FGF12: variants seen among roughly 807,000 people sequenced by gnomAD.
FGF12 encodes the protein fibroblast growth factor 12B.
FGF12 carries 14 observed loss-of-function variants against 23.6 expected under a neutral mutation model. That is an observed-to-expected ratio of 0.59 (90% CI 0.39 to 0.93). The LOEUF (loss-of-function observed/expected upper bound fraction) is 0.93. FGF12 is among the 40% of genes least tolerant of loss of function. The pLI, the probability that FGF12 is intolerant of heterozygous loss-of-function variation, is 0.00. For synonymous variants in FGF12, 62 were observed against 77.3 expected (o/e 0.80, Z 1.04); for missense variants, 175 against 217.8 (o/e 0.80, Z 1.24).
chr3:192,660,109 C>A (rs62294778), intron 2 of FGF12, among the ~76,000 whole-genome samples: 12,672 of 151,464 alleles, frequency 0.084, 649 homozygotes, highest in South Asian at 0.2. Flanking sequence ...TGGAACCAAC[C>A]CAAATGTCCA....
chr3:192,459,573 C>A (rs1722790998), intron 2 of FGF12, among the ~76,000 whole-genome samples: 1 of 152,088 alleles, frequency 6.6e-6, no homozygotes, highest in Non-Finnish European at 1.5e-5. Context: ...ACATTTTAAT[C>A]TTTTTTGTCT....
intron 2 of FGF12, among the ~76,000 whole-genome samples, chr3:192,507,448 A>T (rs549356075): frequency 6.6e-6 from 1 of 152,208 alleles, no homozygotes; most frequent in African/African-American, 2.4e-5. Context: ...TTCAGGATAA[A>T]ATAATGTACA....
intron 4 of FGF12, among the ~76,000 whole-genome samples, chr3:192,204,849 A>C (rs1030673707): frequency 6.6e-6 from 1 of 151,974 alleles, no homozygotes; most frequent in African/African-American, 2.4e-5. Flanking sequence ...TCGCACCAAG[A>C]CTGTACTCCA....
In FGF12 at chr3:192,664,338, G is replaced by A. The variant is rs537935154; in HGVS notation, c.13+62843C>T. Among the ~76,000 whole-genome samples, 13 of 152,192 alleles carry A rather than the reference G, an allele frequency of 8.5e-5. 1 individual carries two copies. The South Asian group carries it at 2.7e-3, about 32-fold the overall frequency. On this transcript the variant is annotated intron_variant, in intron 2 of 5. Transcript: ENST00000445105. ...AATGAGCCACAGACATGCCAAATGAGTGAAACTCCTCCCCAGAGTTGTTCT... is the reference window on the plus strand; with the variant it reads ...AATGAGCCACAGACATGCCAAATGAATGAAACTCCTCCCCAGAGTTGTTCT...
intron 4 of FGF12, among the ~76,000 whole-genome samples, chr3:192,303,463 G>T (rs912701978): frequency 1.3e-5 from 2 of 152,168 alleles, no homozygotes; most frequent in Admixed American, 6.5e-5. Context: ...CAGCAGCAGT[G>T]ATCCTTGCTG....
chr3:192,656,040 CAAAA>C (rs11292484), intron 2 of FGF12, among the ~76,000 whole-genome samples: 79 of 106,546 alleles, frequency 7.4e-4, no homozygotes, highest in Non-Finnish European at 8.3e-4. Context: ...GAGGTTCAGG[CAAAA>C]AAAAAAAAAA....
At chr3:192,383,958 C>A (rs1490076575) in intron 2 of FGF12, among the ~76,000 whole-genome samples, 3 of 152,140 alleles carry the variant, frequency 2.0e-5, no homozygotes, top group African/African-American at 7.2e-5. Context: ...AGATCCAGGA[C>A]TCAGCCTTGG....
At chr3:192,640,580 C>T (rs1466076084) in intron 2 of FGF12, among the ~76,000 whole-genome samples, 2 of 152,130 alleles carry the variant, frequency 1.3e-5, no homozygotes, top group Non-Finnish European at 2.9e-5. Context: ...AAGTGAGGTT[C>T]AGAGGATAAC....
intron 2 of FGF12, among the ~76,000 whole-genome samples, chr3:192,412,539 A>C (rs906527202): frequency 6.6e-6 from 1 of 152,184 alleles, no homozygotes; most frequent in Non-Finnish European, 1.5e-5. Flanking sequence ...GACAACAAAG[A>C]CTACTTTTTC....
chr3:192,548,387 A>G (rs1165784669), intron 2 of FGF12, among the ~76,000 whole-genome samples: 2 of 152,224 alleles, frequency 1.3e-5, no homozygotes, highest in African/African-American at 4.8e-5. Context: ...ACACAGTTCA[A>G]TGCCTTCATT....
intron 4 of FGF12, among the ~76,000 whole-genome samples, chr3:192,254,422 A>T (rs1222423481): frequency 6.6e-6 from 1 of 151,888 alleles, no homozygotes; most frequent in Non-Finnish European, 1.5e-5. Context: ...ATTCATGTTG[A>T]TAGCCATCTT....
intron 2 of FGF12, among the ~76,000 whole-genome samples, chr3:192,601,583 GA>G (rs911703076): frequency 1.3e-5 from 2 of 150,890 alleles, no homozygotes; most frequent in Admixed American, 1.3e-4. Flanking sequence ...GCTTAGAAAA[GA>G]AAAAAAAAGT....
chr3:192,186,742 T>G (rs1716495290), intron 4 of FGF12, among the ~76,000 whole-genome samples: 1 of 152,228 alleles, frequency 6.6e-6, no homozygotes, highest in Non-Finnish European at 1.5e-5. Context: ...CTGAAAAATC[T>G]ATTGTTTAGT....
intron 4 of FGF12, among the ~76,000 whole-genome samples, chr3:192,253,931 A>G (rs895782086): frequency 6.6e-6 from 1 of 152,082 alleles, no homozygotes; most frequent in Non-Finnish European, 1.5e-5. Context: ...AAATGTATAT[A>G]TTTATCATGT....
chr3:192,647,643 CATTT>C (rs1299224505), intron 2 of FGF12, among the ~76,000 whole-genome samples: 2 of 149,978 alleles, frequency 1.3e-5, no homozygotes, highest in Non-Finnish European at 3.0e-5. Flanking sequence ...TAGCTTAACA[CATTT>C]ATTATGGATG....
intron 4 of FGF12, among the ~76,000 whole-genome samples, chr3:192,199,504 T>C (rs1325744064): frequency 1.3e-5 from 2 of 152,156 alleles, no homozygotes; most frequent in South Asian, 4.1e-4. Flanking sequence ...TGAAGCCAGC[T>C]AACAAATGGA....
At chr3:192,398,374 ATTTTCTT>A (rs63485960) in intron 2 of FGF12, among the ~76,000 whole-genome samples, 52,932 of 143,184 alleles carry the variant, frequency 0.37, 9,498 homozygotes, top group East Asian at 0.63. Context: ...AGGCCCTTAT[ATTTTCTT>A]TTTTCTTTTT....
chr3:192,322,424 A>G (rs1667103482), intron 4 of FGF12, among the ~76,000 whole-genome samples: 1 of 152,142 alleles, frequency 6.6e-6, no homozygotes, highest in African/African-American at 2.4e-5. Flanking sequence ...TGCAATCTTT[A>G]TCATAATACT....
intron 2 of FGF12, among the ~76,000 whole-genome samples, chr3:192,505,827 T>C (rs758708102): frequency 2.1e-4 from 32 of 152,198 alleles, no homozygotes; most frequent in Non-Finnish European, 4.3e-4. Context: ...GCCTGCTAAG[T>C]GGCCATTCCC....
Sources: allele counts gnomAD v4.1 joint callset (sites outside exome capture counted in the v4.1 genomes callset), GRCh38; gene constraint gnomAD v4.1.1; transcripts MANE v1.5; gene names NCBI Gene and HGNC (gene_info 2026-07-23, HGNC 2026-07-21).